CDH4: variants seen among roughly 807,000 people sequenced by gnomAD.
The protein encoded by CDH4 is cadherin 4.
A neutral mutation model predicts 86.0 loss-of-function variants in CDH4; 33 were observed. The ratio of observed to expected loss-of-function variants is 0.38; its 90% CI spans 0.29 to 0.51. The LOEUF (loss-of-function observed/expected upper bound fraction) is 0.51, where lower values mean the gene tolerates loss of function less well. CDH4 is among the 20% of genes least tolerant of loss of function. CDH4 has a pLI of 0.86. For synonymous variants in CDH4, 555 were observed against 549.4 expected (o/e 1.01, Z -0.14); for missense variants, 1,114 against 1,307.4 (o/e 0.85, Z 2.28).
Position 61,510,943 on chromosome 20 carries a change from G to A in CDH4, c.170-232620G>A, listed in dbSNP as rs1308200301. Among the ~76,000 whole-genome samples, 1 of 151,516 alleles carries A rather than the reference G, an allele frequency of 6.6e-6. No homozygotes were observed. Among genetic ancestry groups the A allele is most frequent in the Non-Finnish European group, 1.5e-5 (1 of 67,834 alleles). ...CATGTCACAAAATGAAAGCAGGAGT[G>A]AGAGAGAGAGAGAAAGTTGGGGGCG... is the stretch of plus-strand genomic sequence containing the variant. On this transcript the variant is annotated intron_variant, in intron 2 of 15. Coordinates refer to ENST00000614565, the MANE Select transcript of CDH4 (RefSeq NM_001794.5). This position sits in a 1 kb window ranked among gnomAD's most constrained non-coding sequence, Gnocchi z 4.2.
intron 2 of CDH4, among the ~76,000 whole-genome samples, chr20:61,420,652 T>C (rs1269458688): frequency 6.6e-6 from 1 of 152,238 alleles, no homozygotes; most frequent in African/African-American, 2.4e-5. Context: ...AGCCGTGCTC[T>C]GGAAGGTTCA....
chr20:61,678,496 C>A (rs572696613), intron 2 of CDH4, among the ~76,000 whole-genome samples: 25 of 152,172 alleles, frequency 1.6e-4, no homozygotes, highest in Non-Finnish European at 4.4e-5. Flanking sequence ...GTGTGGTGGG[C>A]GCAATGACAC....
intron 6 of CDH4, among the ~76,000 whole-genome samples, chr20:61,861,107 C>T (rs540613090): frequency 6.6e-6 from 1 of 152,350 alleles, no homozygotes; most frequent in South Asian, 2.1e-4. Context: ...CAGCTGTCCA[C>T]TCTGCCTAGT....
chr20:61,931,462 C>T (rs2055108220), intron 13 of CDH4, among the ~76,000 whole-genome samples: 1 of 152,264 alleles, frequency 6.6e-6, no homozygotes, highest in Non-Finnish European at 1.5e-5. Context: ...CAGGCAGCCA[C>T]AGCCAATTAA....
rs557350352 is a variant in CDH4, at chr20:61,873,930, G to A, written c.1050+30G>A. ...GGCGGGGTGGGGTCTGCGTGCAGGC[G>A]GGTGAGCTCCTGGTCCCCGCAGGAC... On this transcript the variant is annotated intron_variant, in intron 7 of 15. Coordinates refer to ENST00000614565, the MANE Select transcript of CDH4 (RefSeq NM_001794.5). 18 of 1,607,884 alleles carry A rather than the reference G, an allele frequency of 1.1e-5. No individual in the cohort carries two copies. The East Asian group carries it at 2.5e-4, about 22-fold the overall frequency.
In CDH4 at chr20:61,544,818, C is replaced by A. The variant is rs557367688; in HGVS notation, c.170-198745C>A. On this transcript the variant is annotated intron_variant, in intron 2 of 15. Transcript: ENST00000614565. This position sits in a 1 kb window ranked among gnomAD's most constrained non-coding sequence, Gnocchi z 6.5. ...GCCCTCCCTGCCCCCGAGGAAGGAACCTTGTTCCTCGGTTATAAAACTTGA... is the reference window on the plus strand; with the variant it reads ...GCCCTCCCTGCCCCCGAGGAAGGAAACTTGTTCCTCGGTTATAAAACTTGA... Among the ~76,000 whole-genome samples the A allele has an allele frequency of 6.6e-6, 1 of 152,068 alleles. No homozygotes were observed. The highest frequency in any genetic ancestry group is 1.5e-5 in the Non-Finnish European group (1 of 68,016).
intron 2 of CDH4, among the ~76,000 whole-genome samples, chr20:61,547,010 G>A (rs912336017): frequency 6.6e-6 from 1 of 152,024 alleles, no homozygotes; most frequent in Non-Finnish European, 1.5e-5. Context: ...ATGCTGCTGG[G>A]TAAAGGTGAC....
intron 3 of CDH4, among the ~76,000 whole-genome samples, chr20:61,752,291 C>T (rs2088506147): frequency 6.9e-6 from 1 of 144,450 alleles, no homozygotes; most frequent in Non-Finnish European, 1.5e-5. Context: ...GAGATCATGC[C>T]ACTGCACTCC....
chr20:61,780,892 A>G (rs557544518), intron 4 of CDH4, among the ~76,000 whole-genome samples: 2 of 152,336 alleles, frequency 1.3e-5, no homozygotes, highest in South Asian at 4.1e-4. Context: ...CAGGAGCTGT[A>G]AGATGGAGTT....
At chr20:61,556,838 C>T (rs1177140003) in intron 2 of CDH4, among the ~76,000 whole-genome samples, 2 of 152,090 alleles carry the variant, frequency 1.3e-5, no homozygotes, top group Non-Finnish European at 2.9e-5. Context: ...GAGCTGTGGT[C>T]GGCCCGTCCT....
intron 2 of CDH4, among the ~76,000 whole-genome samples, chr20:61,301,564 C>T (rs528619211): frequency 1.1e-4 from 17 of 152,272 alleles, no homozygotes; most frequent in South Asian, 2.1e-4. Flanking sequence ...GATTATTCTC[C>T]GGCCATAAAA....
At chr20:61,308,654 G>C (rs942499548) in intron 2 of CDH4, among the ~76,000 whole-genome samples, 4 of 152,208 alleles carry the variant, frequency 2.6e-5, no homozygotes, top group African/African-American at 9.6e-5. Context: ...CAGACAAAAT[G>C]CTTAGTGTGT....
chr20:61,425,292 A>T lies in CDH4; in HGVS notation c.169+170355A>T, dbSNP rs538954881. Among the ~76,000 whole-genome samples the T allele has an allele frequency of 1.4e-3, 217 of 152,150 alleles. 1 individual carries two copies. Among genetic ancestry groups the T allele is most frequent in the African/African-American group, 5.0e-3 (206 of 41,536 alleles). On this transcript the variant is annotated intron_variant, in intron 2 of 15. Transcript: ENST00000614565. ...AGGAGCAGGGAGGGAGGCGGCCAGGACCGGAGAGCAGTGGCACCCTGAACC... is the reference window on the plus strand; with the variant it reads ...AGGAGCAGGGAGGGAGGCGGCCAGGTCCGGAGAGCAGTGGCACCCTGAACC...
intron 7 of CDH4, among the ~76,000 whole-genome samples, chr20:61,876,528 C>T (rs1240357811): frequency 2.0e-5 from 3 of 152,146 alleles, no homozygotes; most frequent in Non-Finnish European, 4.4e-5. Context: ...GGCATGCAGG[C>T]GTGCGGAGGG....
chr20:61,511,115 C>A (rs758750531), intron 2 of CDH4, among the ~76,000 whole-genome samples: 4 of 152,246 alleles, frequency 2.6e-5, no homozygotes, highest in Non-Finnish European at 5.9e-5. Flanking sequence ...TTCCATTTAA[C>A]ATGAGATTTG....
chr20:61,837,134 C>T (rs1981919076), intron 4 of CDH4, among the ~76,000 whole-genome samples: 1 of 152,172 alleles, frequency 6.6e-6, no homozygotes, highest in African/African-American at 2.4e-5. Context: ...TGAAGGCTGT[C>T]GTGAGTTGTG....
chr20:61,808,146 A>G (rs1207649411), intron 4 of CDH4, among the ~76,000 whole-genome samples: 1 of 151,860 alleles, frequency 6.6e-6, no homozygotes, highest in East Asian at 2.0e-4. Context: ...CAGCCTGGGG[A>G]AGGCTGCGGG....
At chr20:61,496,887 G>A (rs2085666647) in intron 2 of CDH4, among the ~76,000 whole-genome samples, 2 of 151,902 alleles carry the variant, frequency 1.3e-5, no homozygotes, top group Non-Finnish European at 2.9e-5. Context: ...GATGGGTGAA[G>A]CTGCTGAGAA....
chr20:61,701,613 G>A (rs566900267), intron 2 of CDH4, among the ~76,000 whole-genome samples: 25 of 152,344 alleles, frequency 1.6e-4, no homozygotes, highest in African/African-American at 4.6e-4. Flanking sequence ...CCAGCACAGC[G>A]GGTCTACGGA....
Sources: gnomAD v4.1 joint callset for allele counts (sites outside exome capture counted in the v4.1 genomes callset) on GRCh38, gnomAD v4.1.1 for gene constraint, Gnocchi (gnomAD v3.1) non-coding constraint, MANE v1.5 for transcripts, NCBI Gene and HGNC (gene_info 2026-07-23, HGNC 2026-07-21) for gene names.